The following FRMD5 variants were observed in gnomAD, a reference collection of about 807,000 sequenced individuals.
FRMD5 encodes the protein FERM domain containing 5, also known as FERM domain-containing protein 5.
FRMD5 carries 20 observed loss-of-function variants against 69.0 expected under a neutral mutation model. The observed-to-expected ratio is 0.29, with a 90% confidence interval of 0.20 to 0.42. The LOEUF (loss-of-function observed/expected upper bound fraction) is 0.42, where lower values mean the gene tolerates loss of function less well. FRMD5 is among the 10% of genes least tolerant of loss of function. FRMD5 has a pLI of 1.00. For missense variants in FRMD5, 595 were observed against 708.6 expected (o/e 0.84, Z 1.82); for synonymous variants, 271 against 260.1 (o/e 1.04, Z -0.40).
chr15:44,007,637 ATTTTTTTT>A (rs35512441), intron 1 of FRMD5, among the ~76,000 whole-genome samples: 3 of 81,146 alleles, frequency 3.7e-5, no homozygotes, highest in African/African-American at 4.9e-5. Context: ...TAATTAACTA[ATTTTTTTT>A]TTTTTTTTTT....
chr15:43,910,910 G>C (rs1010781914), intron 4 of FRMD5, among the ~76,000 whole-genome samples: 6 of 152,236 alleles, frequency 3.9e-5, no homozygotes, highest in African/African-American at 1.4e-4. Flanking sequence ...GAAAGAGCCA[G>C]GATTCAACTT....
chr15:44,009,075 C>A (rs1890594785), intron 1 of FRMD5, among the ~76,000 whole-genome samples: 1 of 152,114 alleles, frequency 6.6e-6, no homozygotes, highest in Admixed American at 6.6e-5. Context: ...CGACAGGAAC[C>A]ATGTCTGTCC....
Position 43,965,691 on chromosome 15 carries a change from C to A in FRMD5, c.103-41382G>T, listed in dbSNP as rs528022423. On this transcript the variant is annotated intron_variant, in intron 1 of 13. Coordinates refer to ENST00000417257, the MANE Select transcript of FRMD5 (RefSeq NM_032892.5). ...CTGCCTCCCAGGTTCAAGCGATTCT[C>A]CTGCCTCAGCCTCCCAAGTAGCTGG... 8.6e-5 allele frequency among the ~76,000 whole-genome samples: 13 copies of A among 150,562 alleles called. No individual in the cohort carries two copies. In the South Asian group the frequency reaches 1.3e-3, roughly 15 times the overall value.
chr15:44,127,295 T>C (rs2077037149), intron 1 of FRMD5, among the ~76,000 whole-genome samples: 2 of 152,344 alleles, frequency 1.3e-5, no homozygotes, highest in South Asian at 4.1e-4. Context: ...TTTCGCCATG[T>C]TGGCCAGCCT....
At chr15:44,179,653 C>T (rs9302114) in intron 1 of FRMD5, among the ~76,000 whole-genome samples, 1,979 of 152,298 alleles carry the variant, frequency 0.013, 51 homozygotes, top group African/African-American at 0.046. Flanking sequence ...AACACACACA[C>T]ATTAAACAAA....
chr15:43,926,941 G>C (rs2089595961), intron 1 of FRMD5, among the ~76,000 whole-genome samples: 1 of 147,802 alleles, frequency 6.8e-6, no homozygotes, highest in African/African-American at 2.5e-5. Flanking sequence ...CGCCAGGACT[G>C]TTCCAAGACC....
At chr15:43,885,878 C>T (rs2088651094) in intron 10 of FRMD5, 123 bp from the exon 11 acceptor site, 2 of 744,388 alleles carry the variant, frequency 2.7e-6, no homozygotes, top group Admixed American at 4.1e-5. Flanking sequence ...CTTCATAGTC[C>T]ACATTTGTCT....
intron 1 of FRMD5, among the ~76,000 whole-genome samples, chr15:43,938,231 CAAAAAAA>C (rs775430626): frequency 6.1e-5 from 4 of 65,176 alleles, no homozygotes; most frequent in African/African-American, 1.8e-4. Context: ...GACTCCGTCT[CAAAAAAA>C]AAAAAAAAAA....
At chr15:43,879,083 G>A (rs962009195) in intron 13 of FRMD5, among the ~76,000 whole-genome samples, 8 of 151,576 alleles carry the variant, frequency 5.3e-5, no homozygotes, top group African/African-American at 1.7e-4. Context: ...GATTACAGGC[G>A]CCCACCACCA....
intron 1 of FRMD5, among the ~76,000 whole-genome samples, chr15:44,154,018 A>T (rs1002726151): frequency 1.3e-5 from 2 of 152,172 alleles, no homozygotes; most frequent in Admixed American, 6.5e-5. Flanking sequence ...TTTAAGTACA[A>T]TTAAAACTTG....
chr15:43,907,189 A>T (rs2089195463), intron 5 of FRMD5, among the ~76,000 whole-genome samples: 2 of 152,160 alleles, frequency 1.3e-5, no homozygotes, highest in South Asian at 4.1e-4. Context: ...ACCACTTCAG[A>T]TGTGAAGTCT....
chr15:44,165,913 CAT>C (rs1169917945), intron 1 of FRMD5, among the ~76,000 whole-genome samples: 1 of 152,186 alleles, frequency 6.6e-6, no homozygotes, highest in Non-Finnish European at 1.5e-5. Flanking sequence ...AATTAACATA[CAT>C]GTTTCAATAT....
chr15:43,962,580 C>T (rs1241994063), intron 1 of FRMD5, among the ~76,000 whole-genome samples: 2 of 152,084 alleles, frequency 1.3e-5, no homozygotes, highest in African/African-American at 4.8e-5. Context: ...GGAACCAAAA[C>T]AGAGCCCGCA....
Position 43,873,877 on chromosome 15 carries a change from A to G in FRMD5, c.*8T>C, listed in dbSNP as rs369114095. 22 of 1,612,268 alleles carry G rather than the reference A, an allele frequency of 1.4e-5. No homozygotes were observed. Among genetic ancestry groups the G allele is most frequent in the Non-Finnish European group, 1.8e-5 (21 of 1,178,768 alleles). ...ACCTGGCTAGTTTTTGGGAGGAGTC[A>G]TGCCTTCTCAGGTGTCAATGAGCAG... On this transcript the variant is annotated 3_prime_UTR_variant, in exon 14 of 14. Transcript: ENST00000417257.
At chr15:43,969,974 C>G (rs2090350831) in intron 1 of FRMD5, among the ~76,000 whole-genome samples, 1 of 152,204 alleles carries the variant, frequency 6.6e-6, no homozygotes, top group African/African-American at 2.4e-5. Flanking sequence ...ACTGGCCACA[C>G]AGAAAGTCAG....
At chr15:43,920,882 C>T (rs545812504) in intron 2 of FRMD5, among the ~76,000 whole-genome samples, 7 of 152,320 alleles carry the variant, frequency 4.6e-5, no homozygotes, top group South Asian at 2.1e-4. Flanking sequence ...GCAGCCAGGG[C>T]GCTGCAGTCA....
At chr15:43,946,983 C>T (rs561770686) in intron 1 of FRMD5, among the ~76,000 whole-genome samples, 16 of 152,196 alleles carry the variant, frequency 1.1e-4, no homozygotes, top group Non-Finnish European at 1.8e-4. Flanking sequence ...TCTCAGTTTA[C>T]TCATAAGCTG....
chr15:44,123,269 C>A (rs993292488), intron 1 of FRMD5, among the ~76,000 whole-genome samples: 1 of 151,520 alleles, frequency 6.6e-6, no homozygotes, highest in East Asian at 1.9e-4. Flanking sequence ...CACTTGAACC[C>A]GGGAGGCACA....
At chr15:44,005,012 A>G (rs1890373821) in intron 1 of FRMD5, among the ~76,000 whole-genome samples, 1 of 152,228 alleles carries the variant, frequency 6.6e-6, no homozygotes, top group Admixed American at 6.5e-5. Flanking sequence ...ATCACACAAG[A>G]CACAGCATTC....
Sources: gnomAD v4.1 joint callset for allele counts (sites outside exome capture counted in the v4.1 genomes callset) on GRCh38, gnomAD v4.1.1 for gene constraint, MANE v1.5 for transcripts, NCBI Gene and HGNC (gene_info 2026-07-23, HGNC 2026-07-21) for gene names.